APLF: variants seen among roughly 807,000 people sequenced by gnomAD.
The protein encoded by APLF is aprataxin and PNK-like factor.
APLF carries 61 observed loss-of-function variants against 55.6 expected under a neutral mutation model. The ratio of observed to expected loss-of-function variants is 1.10; its 90% CI spans 0.89 to 1.36. APLF has a LOEUF of 1.36. APLF is among the 40% of genes most tolerant of loss of function. The pLI, the probability that APLF is intolerant of heterozygous loss-of-function variation, is 0.00. For missense variants in APLF, 611 were observed against 602.5 expected (o/e 1.01, Z -0.15); for synonymous variants, 207 against 214.8 (o/e 0.96, Z 0.32).
chr2:68,473,500 C>G (rs1019264578), intron 1 of APLF, among the ~76,000 whole-genome samples: 4 of 152,154 alleles, frequency 2.6e-5, no homozygotes, highest in Admixed American at 1.3e-4. Flanking sequence ...AGGTCTTCAA[C>G]TCATTTAGGT....
At chr2:68,502,496 C>G (rs987747448) in intron 2 of APLF, among the ~76,000 whole-genome samples, 2 of 151,702 alleles carry the variant, frequency 1.3e-5, no homozygotes, top group African/African-American at 2.4e-5. Context: ...CCTTTGAGTC[C>G]TGGAGAAATG....
intron 3 of APLF, 112 bp downstream of exon 3, chr2:68,503,015 G>C: frequency 1.8e-6 from 2 of 1,102,876 alleles, no homozygotes; most frequent in Non-Finnish European, 2.6e-6. Context: ...GATAGAGTAG[G>C]TGTGTAATGT....
chr2:68,570,875 T>A (rs373445709), intron 9 of APLF, among the ~76,000 whole-genome samples: 1 of 152,188 alleles, frequency 6.6e-6, no homozygotes, highest in Non-Finnish European at 1.5e-5. Context: ...TGCCACACTG[T>A]CTTCCACAAT....
intron 3 of APLF, among the ~76,000 whole-genome samples, chr2:68,507,731 A>C (rs879114053): frequency 6.6e-6 from 1 of 151,960 alleles, no homozygotes; most frequent in Admixed American, 6.6e-5. Context: ...AGGATATTAA[A>C]CTGAGTGATA....
chr2:68,494,952 T>TA (rs1450216433), intron 2 of APLF, among the ~76,000 whole-genome samples: 2 of 152,152 alleles, frequency 1.3e-5, no homozygotes, highest in Non-Finnish European at 2.9e-5. Context: ...CACACACTTT[T>TA]AAATTACTAA....
chr2:68,553,712 T>C (rs1372659573), intron 8 of APLF, among the ~76,000 whole-genome samples: 1 of 152,030 alleles, frequency 6.6e-6, no homozygotes, highest in East Asian at 1.9e-4. Context: ...TATTCCAAAG[T>C]AGAGTTGTGA....
chr2:68,468,086 C>G (rs1675489638), intron 1 of APLF, among the ~76,000 whole-genome samples: 1 of 152,196 alleles, frequency 6.6e-6, no homozygotes, highest in South Asian at 2.1e-4. Flanking sequence ...GGGCCAAATC[C>G]AGCCTATGTT....
chr2:68,497,247 C>G (rs1257216125), intron 2 of APLF, among the ~76,000 whole-genome samples: 1 of 151,950 alleles, frequency 6.6e-6, no homozygotes, highest in African/African-American at 2.4e-5. Flanking sequence ...CAGGAGCAAG[C>G]GAGAGAGAAT....
intron 9 of APLF, chr2:68,568,375 C>T: frequency 1.1e-6 from 1 of 913,054 alleles, no homozygotes; most frequent in Non-Finnish European, 1.3e-6. Context: ...TAAATGATTT[C>T]ACTGTAAGGG....
rs1287023097 is a variant in APLF at position 68,537,929 on chromosome 2, A to C, written c.862A>C (p.Lys288Gln). Residue 288 changes from lysine to glutamine, a missense_variant, in exon 7 of 10, where the codon AAG (lysine) becomes CAG (glutamine). Physicochemically the swap from Lys to Gln is moderately conservative, Grantham distance 53 (BLOSUM62 1). Transcript: ENST00000303795. ...AAGTAACACAGAGATGAATAATATT[A>C]AGACTAATGCACAGAGAAACAAACT... ...TLSNTEMNNI[K>Q]TNAQRNKLPI... 1 of 1,612,034 alleles carries C rather than the reference A, an allele frequency of 6.2e-7. No homozygotes were observed. The highest frequency in any genetic ancestry group is 1.3e-5 in the African/African-American group (1 of 74,718).
chr2:68,473,028 A>T (rs1415950680), intron 1 of APLF, among the ~76,000 whole-genome samples: 1 of 152,088 alleles, frequency 6.6e-6, no homozygotes, highest in Non-Finnish European at 1.5e-5. Flanking sequence ...TGTCATTATC[A>T]CCCAAAGTTC....
intron 8 of APLF, among the ~76,000 whole-genome samples, chr2:68,552,527 C>T (rs755830401): frequency 6.6e-6 from 1 of 152,106 alleles, no homozygotes; most frequent in Non-Finnish European, 1.5e-5. Context: ...TTTCATTGCT[C>T]TCACAATTCT....
intron 7 of APLF, among the ~76,000 whole-genome samples, chr2:68,539,853 C>T (rs1015305914): frequency 6.6e-6 from 1 of 152,064 alleles, no homozygotes; most frequent in Non-Finnish European, 1.5e-5. Context: ...AGTATGTCTG[C>T]TATCACCACT....
At chr2:68,490,315 C>T in intron 2 of APLF, 54 bp downstream of exon 2, 4 of 1,490,530 alleles carry the variant, frequency 2.7e-6, no homozygotes, top group Non-Finnish European at 3.7e-6. Flanking sequence ...CCTTTCAGTT[C>T]CCAAGCAGAG....
At chr2:68,476,012 C>G (rs1675761226) in intron 1 of APLF, among the ~76,000 whole-genome samples, 2 of 151,162 alleles carry the variant, frequency 1.3e-5, no homozygotes, top group Admixed American at 6.6e-5. Context: ...AATACTGGCT[C>G]AAATCCTATA....
intron 8 of APLF, among the ~76,000 whole-genome samples, chr2:68,551,710 C>A (rs1300838790): frequency 7.7e-6 from 1 of 130,080 alleles, no homozygotes; most frequent in African/African-American, 2.9e-5. Flanking sequence ...AATCTTAGTT[C>A]TTTTAATGTT....
intron 1 of APLF, among the ~76,000 whole-genome samples, chr2:68,477,481 T>TA (rs935469300): frequency 1.0e-4 from 15 of 148,792 alleles, no homozygotes; most frequent in African/African-American, 2.0e-4. Context: ...AAAAGTAAAT[T>TA]AAAAAAAAAA....
In APLF at chr2:68,579,384, C is replaced by G; in HGVS notation, c.*1362C>G. The G allele has an allele frequency of 1.0e-6, 1 of 980,534 alleles. No individual in the cohort carries two copies. Among genetic ancestry groups the G allele is most frequent in the Non-Finnish European group, 1.2e-6 (1 of 825,504 alleles). 60.7% of individuals were successfully genotyped at this position (980,534 alleles called of 1,614,324 possible). A position where few individuals can be genotyped will look rare whatever the true frequency, so the allele number is the denominator to read the frequency against. On this transcript the variant is annotated 3_prime_UTR_variant, in exon 10 of 10. Transcript: ENST00000303795. ...ACAAATCTACGAATGTAATATTTAA[C>G]TTATTCTCATCCCTGCCACTAACTT...
chr2:68,518,861 G>C lies in APLF; in HGVS notation c.622+5181G>C, dbSNP rs375930211. Among the ~76,000 whole-genome samples, 8 of 122,110 alleles carry C rather than the reference G, an allele frequency of 6.6e-5. No individual in the cohort carries two copies. The Admixed American group carries it at 7.3e-4, about 11-fold the overall frequency. 80.1% of individuals were successfully genotyped at this position (122,110 alleles called of 152,430 possible). A position where few individuals can be genotyped will look rare whatever the true frequency, so the allele number is the denominator to read the frequency against. On this transcript the variant is annotated intron_variant, in intron 5 of 9. Coordinates refer to ENST00000303795, the MANE Select transcript of APLF (RefSeq NM_173545.3). ...ATATGTAATAAAATACTAATATTAT[G>C]TCATTAATATGTAATAAAATATTAA...
Sources: allele counts gnomAD v4.1 joint callset (sites outside exome capture counted in the v4.1 genomes callset), GRCh38; gene constraint gnomAD v4.1.1; transcripts MANE v1.5; gene names NCBI Gene and HGNC (gene_info 2026-07-23, HGNC 2026-07-21).